Variants in CAPN5 observed in about 807,000 individuals in gnomAD.
CAPN5 encodes calpain 5.
Under a neutral mutation model 73.0 loss-of-function variants are expected in CAPN5, and 54 were observed. The ratio of observed to expected loss-of-function variants is 0.74; its 90% CI spans 0.59 to 0.93. The LOEUF (loss-of-function observed/expected upper bound fraction) is 0.93, where lower values mean the gene tolerates loss of function less well. CAPN5 is among the 40% of genes least tolerant of loss of function. The pLI is 0.00. For missense variants in CAPN5, 785 were observed against 882.9 expected (o/e 0.89, Z 1.41); for synonymous variants, 335 against 356.9 (o/e 0.94, Z 0.69).
chr11:77,112,493 A>G lies in CAPN5; in HGVS notation c.298-96A>G, dbSNP rs1555040879. The G allele has an allele frequency of 3.2e-6, 3 of 950,486 alleles. No homozygotes were observed. The African/African-American group carries it at 4.8e-5, about 15-fold the overall frequency. 58.9% of individuals were successfully genotyped at this position (950,486 alleles called of 1,614,324 possible). A position where few individuals can be genotyped will look rare whatever the true frequency, so the allele number is the denominator to read the frequency against. On this transcript the variant is annotated intron_variant, in intron 3 of 12. Transcript: ENST00000648180. ...GAATCCGAACCCAGTATTCCTTTACATTCCGATTCGCTGGAAGCACACGCC... is the reference window on the plus strand; with the variant it reads ...GAATCCGAACCCAGTATTCCTTTACGTTCCGATTCGCTGGAAGCACACGCC...
chr11:77,073,302 C>G (rs1949930625), intron 1 of CAPN5, among the ~76,000 whole-genome samples: 1 of 152,220 alleles, frequency 6.6e-6, no homozygotes, highest in Admixed American at 6.5e-5. Context: ...TGACTTCTTC[C>G]TGTCCTGCCC....
Position 77,112,728 on chromosome 11 carries a change from A to C in CAPN5, c.437A>C (p.Gln146Pro), listed in dbSNP as rs995034484. 6.2e-6 allele frequency: 10 copies of C among 1,614,130 alleles called. No individual in the cohort carries two copies. Among genetic ancestry groups the C allele is most frequent in the African/African-American group, 1.3e-5 (1 of 74,956 alleles). Residue 146 changes from glutamine to proline, a missense_variant, in exon 4 of 13, where the codon CAG (glutamine) becomes CCG (proline). Physicochemically the swap from Gln to Pro is moderately conservative, Grantham distance 76 (BLOSUM62 -1). Coordinates refer to ENST00000648180, the MANE Select transcript of CAPN5 (RefSeq NM_004055.5). ...IDDRLPTVNN[Q>P]LIYCHSNSRN... ...GACCGGCTGCCCACAGTCAACAACC[A>C]GCTCATCTACTGCCACTCCAACTCC... is the stretch of plus-strand genomic sequence containing the variant.
chr11:77,084,004 C>T (rs1950055460), intron 1 of CAPN5, among the ~76,000 whole-genome samples: 1 of 152,208 alleles, frequency 6.6e-6, no homozygotes, highest in Non-Finnish European at 1.5e-5. Flanking sequence ...TGGAGCTGCA[C>T]CGCAGCCCAG....
At chr11:77,112,908 C>A in intron 4 of CAPN5, 111 bp downstream of exon 4, 5 of 1,016,252 alleles carry the variant, frequency 4.9e-6, no homozygotes, top group Non-Finnish European at 7.4e-6. Flanking sequence ...AAGTGAGGGG[C>A]TGGTGCAGGC....
At chr11:77,122,535 C>CCCCCCCCCCCCACACCCCAA in intron 11 of CAPN5, 41 bp from the exon 12 acceptor site, 1 of 1,255,172 alleles carries the variant, frequency 8.0e-7, no homozygotes, top group Non-Finnish European at 1.1e-6. Flanking sequence ...GCCACAGCCC[C>CCCCCCCCCCCCACACCCCAA]CACCCCCACC....
chr11:77,109,585 G>C (rs568897253), intron 3 of CAPN5, among the ~76,000 whole-genome samples: 2 of 152,276 alleles, frequency 1.3e-5, no homozygotes, highest in South Asian at 4.2e-4. Flanking sequence ...ACATGGCCCC[G>C]GGAGTCTGTG....
chr11:77,071,490 C>G (rs1949906201), intron 1 of CAPN5: 2 of 376,514 alleles, frequency 5.3e-6, no homozygotes, highest in African/African-American at 4.1e-5. Context: ...GGGGGTGGGG[C>G]TGGGGAGTCC....
At chr11:77,077,733 T>C (rs1555034105) in intron 1 of CAPN5, among the ~76,000 whole-genome samples, 1 of 152,178 alleles carries the variant, frequency 6.6e-6, no homozygotes, top group East Asian at 1.9e-4. Context: ...CAGGCTGGTC[T>C]TGAACTCCTG....
intron 10 of CAPN5, 123 bp downstream of exon 10, chr11:77,121,032 C>T: frequency 1.2e-6 from 1 of 823,784 alleles, no homozygotes; most frequent in Non-Finnish European, 1.9e-6. Flanking sequence ...GGGCTGATAC[C>T]AGTGCCCATC....
At chr11:77,102,788 C>T in intron 3 of CAPN5, 1 of 1,485,314 alleles carries the variant, frequency 6.7e-7, no homozygotes, top group Non-Finnish European at 8.9e-7. Flanking sequence ...TCCACGGCCC[C>T]AGGCTCCAGC....
chr11:77,072,560 T>C (rs1949919779), intron 1 of CAPN5, among the ~76,000 whole-genome samples: 3 of 152,196 alleles, frequency 2.0e-5, no homozygotes, highest in Admixed American at 2.0e-4. Context: ...TGGGCCAGGC[T>C]GAGCAGGACT....
At chr11:77,112,166 C>T (rs1480167398) in intron 3 of CAPN5, among the ~76,000 whole-genome samples, 11 of 151,980 alleles carry the variant, frequency 7.2e-5, no homozygotes, top group Non-Finnish European at 1.3e-4. Context: ...AGAATGGAGG[C>T]GCTCAGATTG....
intron 2 of CAPN5, among the ~76,000 whole-genome samples, chr11:77,092,817 A>G (rs915258310): frequency 6.6e-6 from 1 of 152,180 alleles, no homozygotes; most frequent in African/African-American, 2.4e-5. Context: ...AAATATAAAA[A>G]TTAGCTGGGC....
At chr11:77,091,241 G>T (rs1555036468) in intron 2 of CAPN5, among the ~76,000 whole-genome samples, 2 of 152,170 alleles carry the variant, frequency 1.3e-5, no homozygotes, top group Non-Finnish European at 2.9e-5. Context: ...GCCCTGCTGG[G>T]ATGACCATTT....
rs782417751 is a variant in CAPN5 at position 77,123,843 on chromosome 11, C to T, written c.1896C>T (p.Leu632=). Residue 632 remains leucine (L), a synonymous_variant, in exon 13 of 13, where the codon CTC becomes CTT. Coordinates refer to ENST00000648180, the MANE Select transcript of CAPN5 (RefSeq NM_004055.5). ...CAGGCACTGTGGCCGTGCACATTCT[C>T]AGCAGCACCTCCCTCATGGCTGTCT... is the stretch of plus-strand genomic sequence containing the variant. ...NLPGTVAVHI[L]SSTSLMAV 3.1e-6 allele frequency: 5 copies of T among 1,613,642 alleles called. No homozygotes were observed. The South Asian group carries it at 5.5e-5, about 18-fold the overall frequency.
At chr11:77,096,570 G>A (rs553730290) in intron 3 of CAPN5, among the ~76,000 whole-genome samples, 3 of 152,324 alleles carry the variant, frequency 2.0e-5, no homozygotes, top group South Asian at 4.1e-4. Context: ...TAGCTTCCCC[G>A]ACTTGATGGT....
chr11:77,095,146 G>C (rs964216107), intron 3 of CAPN5, among the ~76,000 whole-genome samples: 2 of 152,216 alleles, frequency 1.3e-5, no homozygotes, highest in Non-Finnish European at 2.9e-5. Context: ...GGGTATTCGA[G>C]GGGCACCTGA....
chr11:77,070,637 A>T (rs1311764449), intron 1 of CAPN5, among the ~76,000 whole-genome samples: 1 of 152,194 alleles, frequency 6.6e-6, no homozygotes, highest in Admixed American at 6.5e-5. Context: ...TCAAGAGCAT[A>T]TTCCTTTCCT....
chr11:77,070,714 C>G (rs1020125182), intron 1 of CAPN5, among the ~76,000 whole-genome samples: 11 of 152,176 alleles, frequency 7.2e-5, no homozygotes, highest in African/African-American at 2.4e-4. Flanking sequence ...TCTTACAGTT[C>G]CGGAGATGAG....
Sources: allele counts gnomAD v4.1 joint callset (sites outside exome capture counted in the v4.1 genomes callset), GRCh38; gene constraint gnomAD v4.1.1; transcripts MANE v1.5; gene names NCBI Gene and HGNC (gene_info 2026-07-23, HGNC 2026-07-21).